The following CACNA2D3 variants were observed in gnomAD, a reference collection of about 807,000 sequenced individuals.
CACNA2D3 encodes voltage-dependent calcium channel subunit alpha-2/delta-3.
In CACNA2D3, 60 loss-of-function variants were observed where a neutral mutation model predicts 160.6. That is an observed-to-expected ratio of 0.37 (90% CI 0.30 to 0.46). CACNA2D3 has a LOEUF of 0.46. Among genes scored for constraint, CACNA2D3 ranks in the 20% least tolerant of loss-of-function variants. The probability of loss-of-function intolerance (pLI) is 1.00; values close to 1 mark genes in which losing one functional copy is unlikely to be tolerated. For missense variants in CACNA2D3, 1,205 were observed against 1,365.0 expected (o/e 0.88, Z 1.85); for synonymous variants, 558 against 492.9 (o/e 1.13, Z -1.75).
chr3:54,270,102 G>A (rs766259108), intron 2 of CACNA2D3, among the ~76,000 whole-genome samples: 8 of 152,194 alleles, frequency 5.3e-5, no homozygotes, highest in African/African-American at 1.9e-4. Context: ...ATGCTTAGGC[G>A]TGAAAGCGTT....
chr3:54,916,109 T>C (rs972912938), intron 27 of CACNA2D3, among the ~76,000 whole-genome samples: 5 of 152,190 alleles, frequency 3.3e-5, no homozygotes, highest in African/African-American at 1.2e-4. Flanking sequence ...GCATGCGTTA[T>C]TGACCTCAGT....
At chr3:54,326,123 G>A (rs530689922) in intron 3 of CACNA2D3, among the ~76,000 whole-genome samples, 9 of 152,182 alleles carry the variant, frequency 5.9e-5, no homozygotes, top group Non-Finnish European at 1.3e-4. Context: ...TCCACCGATA[G>A]GGGTTTATCT....
intron 30 of CACNA2D3, among the ~76,000 whole-genome samples, chr3:54,986,891 C>T (rs1479691976): frequency 1.3e-5 from 2 of 152,310 alleles, no homozygotes; most frequent in East Asian, 3.9e-4. Flanking sequence ...CATGGGACAC[C>T]TTGCATGATA....
At chr3:54,518,260 T>A (rs761603027) in intron 5 of CACNA2D3, among the ~76,000 whole-genome samples, 4 of 152,110 alleles carry the variant, frequency 2.6e-5, no homozygotes, top group African/African-American at 7.2e-5. Flanking sequence ...AGCCAACTCC[T>A]GTGAGAGTTC....
chr3:54,351,883 G>T (rs1248837991), intron 3 of CACNA2D3, among the ~76,000 whole-genome samples: 1 of 152,150 alleles, frequency 6.6e-6, no homozygotes, highest in Non-Finnish European at 1.5e-5. Context: ...TCGCAGAGTG[G>T]TCTGAAGCTA....
intron 35 of CACNA2D3, among the ~76,000 whole-genome samples, chr3:55,068,821 T>A (rs552793161): frequency 6.6e-6 from 1 of 152,164 alleles, no homozygotes; most frequent in Non-Finnish European, 1.5e-5. Context: ...ACCAAGAGCA[T>A]CTTTGTACAT....
intron 2 of CACNA2D3, among the ~76,000 whole-genome samples, chr3:54,127,313 GT>G (rs1008274708): frequency 6.6e-6 from 1 of 152,144 alleles, no homozygotes; most frequent in Non-Finnish European, 1.5e-5. Context: ...TGCACAATCT[GT>G]TTTTTACATT....
rs540648878 is a variant in CACNA2D3 at position 54,169,673 on chromosome 3, GTA to G, written c.204+46081_204+46082del. On this transcript the variant is annotated intron_variant, in intron 2 of 37. Transcript: ENST00000474759. ...CGTGCATGTGTGTGCGTGCGTGCTT[GTA>G]TGTGTGTGTATGTGTGTGCATGTGT... 3.7e-3 allele frequency among the ~76,000 whole-genome samples: 544 copies of G among 148,302 alleles called. 2 individuals carry two copies. Among genetic ancestry groups the G allele is most frequent in the South Asian group, 0.017 (77 of 4,574 alleles).
chr3:54,379,907 G>GTT (rs202180251), intron 3 of CACNA2D3, among the ~76,000 whole-genome samples: 1 of 151,840 alleles, frequency 6.6e-6, no homozygotes, highest in Non-Finnish European at 1.5e-5. Context: ...ACCATCTTAC[G>GTT]TTTTTTTCAT....
Position 54,838,668 on chromosome 3 carries a change from CT to C in CACNA2D3, c.1551+21del, listed in dbSNP as rs1282526097. Reference sequence around the variant, plus strand: ...TACAAGGTAATGAATGACCTAATCCCTGAAATCAAAGCAACAGAGATGCCCA... The same window carrying C: ...TACAAGGTAATGAATGACCTAATCCCGAAATCAAAGCAACAGAGATGCCCA... On this transcript the variant is annotated intron_variant, in intron 16 of 37. Transcript: ENST00000474759. 2 of 1,563,200 alleles carry C rather than the reference CT, an allele frequency of 1.3e-6. No individual in the cohort carries two copies. The highest frequency in any genetic ancestry group is 3.3e-5 in the Admixed American group (2 of 59,942).
intron 27 of CACNA2D3, among the ~76,000 whole-genome samples, chr3:54,963,605 G>A (rs1402882044): frequency 6.6e-6 from 1 of 152,214 alleles, no homozygotes; most frequent in African/African-American, 2.4e-5. Context: ...TCAGCTGCCT[G>A]TCCCTAGATT....
intron 11 of CACNA2D3, among the ~76,000 whole-genome samples, chr3:54,733,976 C>A (rs1207959452): frequency 2.6e-5 from 4 of 151,110 alleles, no homozygotes; most frequent in Non-Finnish European, 4.4e-5. Context: ...AAAAAAAGCA[C>A]CTTCTTGATG....
intron 2 of CACNA2D3, among the ~76,000 whole-genome samples, chr3:54,129,177 C>G (rs9882539): frequency 0.38 from 57,194 of 152,056 alleles, 11,022 homozygotes; most frequent in East Asian, 0.6. Flanking sequence ...AGACTCTAAG[C>G]CCCTTCGACA....
chr3:54,466,969 T>C (rs1053658864), intron 4 of CACNA2D3, among the ~76,000 whole-genome samples: 1 of 152,232 alleles, frequency 6.6e-6, no homozygotes, highest in Non-Finnish European at 1.5e-5. Flanking sequence ...GCTTATAGCC[T>C]ACTTGCTGGA....
intron 14 of CACNA2D3, among the ~76,000 whole-genome samples, chr3:54,824,635 A>T (rs1166522333): frequency 6.6e-6 from 1 of 151,958 alleles, no homozygotes; most frequent in African/African-American, 2.4e-5. Flanking sequence ...GTAACCTTGG[A>T]CCCAGGATAT....
intron 10 of CACNA2D3, chr3:54,638,750 AATT>A (rs1304342357): frequency 6.6e-6 from 1 of 151,898 alleles, no homozygotes; most frequent in Non-Finnish European, 1.5e-5. Context: ...TTACGCCAAG[AATT>A]ATTTAGATCT....
chr3:54,751,543 A>AT (rs1296656814), intron 11 of CACNA2D3, among the ~76,000 whole-genome samples: 5 of 152,210 alleles, frequency 3.3e-5, no homozygotes, highest in African/African-American at 1.2e-4. Flanking sequence ...AAGGAGACAC[A>AT]TCCCTTCCTT....
At chr3:54,815,915 A>C (rs1305246985) in intron 13 of CACNA2D3, among the ~76,000 whole-genome samples, 1 of 152,218 alleles carries the variant, frequency 6.6e-6, no homozygotes, top group East Asian at 1.9e-4. Flanking sequence ...GGATCATGTT[A>C]ATTCCATTCC....
At chr3:55,026,176 A>G (rs963260262) in intron 35 of CACNA2D3, among the ~76,000 whole-genome samples, 2 of 152,158 alleles carry the variant, frequency 1.3e-5, no homozygotes, top group African/African-American at 4.8e-5. Flanking sequence ...TTCTAACATC[A>G]TGGAATGGTT....
Sources: gnomAD v4.1 joint callset for allele counts (sites outside exome capture counted in the v4.1 genomes callset) on GRCh38, gnomAD v4.1.1 for gene constraint, MANE v1.5 for transcripts, NCBI Gene and HGNC (gene_info 2026-07-23, HGNC 2026-07-21) for gene names.